Variants in NCOA6 observed in about 807,000 individuals in gnomAD.
The protein encoded by NCOA6 is nuclear receptor coactivator 6.
NCOA6 carries 49 observed loss-of-function variants against 171.4 expected under a neutral mutation model. The observed-to-expected ratio is 0.29, with a 90% CI of 0.23 to 0.36. The LOEUF is 0.36. NCOA6 is among the 10% of genes least tolerant of loss of function. The pLI is 1.00. For synonymous variants in NCOA6, 910 were observed against 927.5 expected (o/e 0.98, Z 0.34); for missense variants, 2,248 against 2,554.5 (o/e 0.88, Z 2.59).
At chr20:34,732,324 G>C (rs537937720) in intron 13 of NCOA6, among the ~76,000 whole-genome samples, 1 of 152,074 alleles carries the variant, frequency 6.6e-6, no homozygotes, top group African/African-American at 2.4e-5. Context: ...ATCTCACTCA[G>C]CTTTGAAAAC....
chr20:34,716,771 A>C (rs1281821763), intron 14 of NCOA6, among the ~76,000 whole-genome samples: 1 of 152,138 alleles, frequency 6.6e-6, no homozygotes, highest in East Asian at 1.9e-4. Context: ...CTATTTAAAA[A>C]AAAAAAAAAA....
chr20:34,732,442 G>C, intron 13 of NCOA6, 117 bp downstream of exon 13: 1 of 939,126 alleles, frequency 1.1e-6, no homozygotes, highest in Non-Finnish European at 1.6e-6. Context: ...AAACAGACTG[G>C]TGCAAGAGTG....
At chr20:34,749,041 A>G (rs1370648658) in intron 9 of NCOA6, among the ~76,000 whole-genome samples, 1 of 152,210 alleles carries the variant, frequency 6.6e-6, no homozygotes, top group African/African-American at 2.4e-5. Flanking sequence ...TCCTTATTTG[A>G]ACAAATTGTA....
At chr20:34,781,882 C>T (rs1176906046) in intron 3 of NCOA6, among the ~76,000 whole-genome samples, 1 of 152,100 alleles carries the variant, frequency 6.6e-6, no homozygotes, top group African/African-American at 2.4e-5. Context: ...TACTTTTATC[C>T]ACTAGAGAAG....
rs183908655 is a variant in NCOA6, at chr20:34,738,318, G to A, written c.5894-1560C>T. Among the ~76,000 whole-genome samples the A allele has an allele frequency of 2.0e-3, 298 of 152,108 alleles. 1 individual carries two copies. The highest frequency in any genetic ancestry group is 1.9e-3 in the Non-Finnish European group (130 of 67,994). ...AAATTGAGAACTTTTCCCAAGTGCT[G>A]GTTCATCTCCTCAAGGCCCACATAT... On this transcript the variant is annotated intron_variant, in intron 11 of 14. Transcript: ENST00000359003.
chr20:34,742,527 T>C lies in NCOA6; in HGVS notation c.3729A>G (p.Arg1243=). The part of the protein sequence containing the change: ...EPSEISLSPE[R]LNASIAGLFP... ...AGAGTCCTGCTATGGAGGCATTGAG[T>C]CTTTCTGGTGACAGACTGATTTCTG... The change falls in exon 11 of 15, where the codon AGA becomes AGG. Residue 1243 remains arginine, a synonymous_variant. Coordinates refer to ENST00000359003, the MANE Select transcript of NCOA6 (RefSeq NM_014071.5). 1.2e-6 allele frequency: 2 copies of C among 1,614,038 alleles called. No individual in the cohort carries two copies. Among genetic ancestry groups the C allele is most frequent in the Non-Finnish European group, 1.7e-6 (2 of 1,180,018 alleles).
At chr20:34,747,305 A>T (rs1461921718) in intron 9 of NCOA6, among the ~76,000 whole-genome samples, 1 of 152,136 alleles carries the variant, frequency 6.6e-6, no homozygotes, top group African/African-American at 2.4e-5. Context: ...AAATTCAACT[A>T]GGGGGTCTGA....
At chr20:34,802,959 C>T (rs6120735) in intron 1 of NCOA6, among the ~76,000 whole-genome samples, 1 of 152,054 alleles carries the variant, frequency 6.6e-6, no homozygotes, top group Non-Finnish European at 1.5e-5. Flanking sequence ...CCACCTCAGC[C>T]TCCACCATGC....
At chr20:34,795,043 TCA>T (rs1434059472) in intron 1 of NCOA6, among the ~76,000 whole-genome samples, 1 of 152,182 alleles carries the variant, frequency 6.6e-6, no homozygotes, top group East Asian at 1.9e-4. Context: ...TTAGAAGGGT[TCA>T]TCCTCGGTAG....
At chr20:34,736,569 CAA>C in intron 12 of NCOA6, 119 bp downstream of exon 12, 1 of 800,004 alleles carries the variant, frequency 1.2e-6, no homozygotes, top group South Asian at 2.5e-5. Context: ...TGCTCTGAAG[CAA>C]ACAGATAAAA....
At chr20:34,729,045 T>C (rs770283629) in intron 13 of NCOA6, among the ~76,000 whole-genome samples, 4 of 152,150 alleles carry the variant, frequency 2.6e-5, no homozygotes, top group Admixed American at 6.5e-5. Flanking sequence ...CTGCCTCCTG[T>C]GTTCAAGCAA....
Position 34,741,748 on chromosome 20 carries a change from A to G in NCOA6, c.4508T>C (p.Val1503Ala), listed in dbSNP as rs529418405. 1 of 1,614,164 alleles carries G rather than the reference A, an allele frequency of 6.2e-7. No individual in the cohort carries two copies. Among genetic ancestry groups the G allele is most frequent in the South Asian group, 1.1e-5 (1 of 91,076 alleles). The change falls in exon 11 of 15, where the codon GTG becomes GCG. Residue 1503 changes from valine to alanine, a missense_variant. By Grantham distance (64) the Val-to-Ala change is moderately conservative. Transcript: ENST00000359003. ...TGTAAGCCCAGGGGGTTTAATTGTC[A>G]CATTGGGAGCTCCAGAGTTGTCAAG... The part of the protein sequence containing the change: ...QLLDNSGAPN[V>A]TIKPPGLTDL...
At chr20:34,804,420 T>C (rs998710744) in intron 1 of NCOA6, among the ~76,000 whole-genome samples, 2 of 151,654 alleles carry the variant, frequency 1.3e-5, no homozygotes, top group Admixed American at 6.6e-5. Flanking sequence ...GGTGGGAGGA[T>C]TGCTTGGACC....
intron 14 of NCOA6, among the ~76,000 whole-genome samples, chr20:34,715,612 G>C (rs115773056): frequency 4.5e-4 from 68 of 152,342 alleles, no homozygotes; most frequent in African/African-American, 1.6e-3. Flanking sequence ...ACTGACTAGA[G>C]AAAGTGCAGG....
intron 10 of NCOA6, 152 bp from the exon 11 acceptor site, chr20:34,743,493 T>C: frequency 1.3e-6 from 1 of 775,980 alleles, no homozygotes; most frequent in Middle Eastern, 3.8e-4. Context: ...GGGCAGCCCC[T>C]CATTACTTGA....
At chr20:34,715,879 G>A (rs1568693758) in intron 14 of NCOA6, among the ~76,000 whole-genome samples, 1 of 152,096 alleles carries the variant, frequency 6.6e-6, no homozygotes, top group Non-Finnish European at 1.5e-5. Context: ...CATGACCATG[G>A]GCCTTGGTCA....
intron 1 of NCOA6, among the ~76,000 whole-genome samples, chr20:34,812,407 A>G (rs923870767): frequency 2.6e-5 from 4 of 152,324 alleles, no homozygotes; most frequent in Admixed American, 6.5e-5. Context: ...TGGCATTTCA[A>G]TACAACAACC....
chr20:34,764,039 G>T (rs1184916991), intron 5 of NCOA6, among the ~76,000 whole-genome samples: 2 of 137,136 alleles, frequency 1.5e-5, no homozygotes, highest in African/African-American at 2.7e-5. Context: ...GCCCTAGGGA[G>T]TTCCTCTACT....
intron 5 of NCOA6, among the ~76,000 whole-genome samples, chr20:34,763,890 T>C (rs1288848233): frequency 2.0e-5 from 3 of 152,200 alleles, no homozygotes; most frequent in Admixed American, 6.5e-5. Flanking sequence ...AATTCTAACT[T>C]GCTTCTTCCT....
Sources: allele counts gnomAD v4.1 joint callset (sites outside exome capture counted in the v4.1 genomes callset), GRCh38; gene constraint gnomAD v4.1.1; transcripts MANE v1.5; gene names NCBI Gene and HGNC (gene_info 2026-07-23, HGNC 2026-07-21).